CLIC2: variants seen among roughly 807,000 people sequenced by gnomAD.
The protein encoded by CLIC2 is chloride intracellular channel protein 2.
In CLIC2, 9 loss-of-function variants were observed where a neutral mutation model predicts 14.8. The observed-to-expected ratio is 0.61, with a 90% CI of 0.37 to 1.06. The LOEUF is 1.06. CLIC2 is among the 50% of genes least tolerant of loss of function. CLIC2 has a pLI of 0.01. For missense variants in CLIC2, 148 were observed against 181.4 expected, an observed-to-expected ratio of 0.82 and a Z score of 1.06; for synonymous variants, 61 against 66.3, an observed-to-expected ratio of 0.92 and a Z score of 0.39.
At chrX:155,330,350 G>A (rs2075152737) in intron 1 of CLIC2, among the ~76,000 whole-genome samples, 1 of 110,645 alleles carries the variant, frequency 9.0e-6, no homozygotes, top group South Asian at 3.8e-4. Flanking sequence ...AAAAATTAAA[G>A]TTAAAGAACA....
At chrX:155,287,193 A>G (rs1190039172) in intron 3 of CLIC2, among the ~76,000 whole-genome samples, 1 of 112,036 alleles carries the variant, frequency 8.9e-6, no homozygotes, top group Admixed American at 9.5e-5. Context: ...TAGCCAGCCC[A>G]GCACCATTTA....
chrX:155,280,777 G>T (rs1557316352), intron 3 of CLIC2, among the ~76,000 whole-genome samples: 1 of 110,132 alleles, frequency 9.1e-6, no homozygotes, highest in East Asian at 2.8e-4. Context: ...TGGAGAAAAT[G>T]GGAAAAAAGT....
intron 1 of CLIC2, among the ~76,000 whole-genome samples, chrX:155,329,705 GA>G (rs1281009492): frequency 9.1e-6 from 1 of 109,587 alleles, no homozygotes; most frequent in Non-Finnish European, 1.9e-5. Flanking sequence ...CCAAAGAAAG[GA>G]AATCAGCATA....
At chrX:155,279,403 CCA>C (rs1386478548) in intron 4 of CLIC2, 73 bp from the exon 5 acceptor site, 1 of 819,055 alleles carries the variant, frequency 1.2e-6, no homozygotes, top group African/African-American at 2.0e-5. Flanking sequence ...AATATGCTTT[CCA>C]CACATTTAGA....
chrX:155,321,927 C>G (rs1267830953), intron 1 of CLIC2, among the ~76,000 whole-genome samples: 1 of 110,667 alleles, frequency 9.0e-6, no homozygotes, highest in Non-Finnish European at 1.9e-5. Context: ...CCTGATAAAG[C>G]AAAATTTAAA....
intron 3 of CLIC2, among the ~76,000 whole-genome samples, chrX:155,296,176 C>A (rs782389637): frequency 8.9e-6 from 1 of 111,787 alleles, no homozygotes; most frequent in Non-Finnish European, 1.9e-5. Context: ...ACACACAGAG[C>A]AATGGTCAGA....
intron 3 of CLIC2, chrX:155,293,287 G>A: frequency 9.8e-7 from 1 of 1,021,455 alleles, no homozygotes; most frequent in Non-Finnish European, 1.4e-6. Context: ...GTCCAACTCA[G>A]TTCCTGGGTA....
chrX:155,316,389 A>C (rs1231847951), intron 1 of CLIC2, among the ~76,000 whole-genome samples: 3 of 112,017 alleles, frequency 2.7e-5, no homozygotes, highest in Admixed American at 9.5e-5. Flanking sequence ...CAGTAAATTT[A>C]AGAAAATCAA....
intron 3 of CLIC2, among the ~76,000 whole-genome samples, chrX:155,289,290 G>T (rs1557317374): frequency 8.9e-6 from 1 of 111,836 alleles, no homozygotes; most frequent in Non-Finnish European, 1.9e-5. Flanking sequence ...GGTTTTTGTA[G>T]CAGGTTTAAC....
intron 1 of CLIC2, among the ~76,000 whole-genome samples, chrX:155,300,434 C>A (rs1557318912): frequency 2.7e-5 from 3 of 111,133 alleles, no homozygotes; most frequent in Non-Finnish European, 5.7e-5. Flanking sequence ...GTTTGTTTTC[C>A]TCTTGTAAAT....
chrX:155,310,395 A>G (rs2075069789), intron 1 of CLIC2: 8 of 249,664 alleles, frequency 3.2e-5, no homozygotes, highest in Non-Finnish European at 7.8e-6. Flanking sequence ...TCTGAAGCCA[A>G]TTTCCCCAGT....
chrX:155,296,863 T>C (rs1264266432), intron 3 of CLIC2, among the ~76,000 whole-genome samples: 4 of 111,706 alleles, frequency 3.6e-5, no homozygotes, highest in Non-Finnish European at 7.5e-5. Context: ...ACACTGTTTT[T>C]GGGAGTATAA....
intron 3 of CLIC2, among the ~76,000 whole-genome samples, chrX:155,297,455 G>A (rs926017844): frequency 9.1e-6 from 1 of 110,088 alleles, no homozygotes. Flanking sequence ...TATGGACACC[G>A]TAGATACCTT....
intron 3 of CLIC2, 101 bp from the exon 4 acceptor site, chrX:155,280,169 T>A: frequency 1.8e-6 from 1 of 557,792 alleles, no homozygotes; most frequent in Non-Finnish European, 3.2e-6. Context: ...TGGAACATTG[T>A]GCTGGAAACT....
At chrX:155,308,152 A>C (rs1397924262) in intron 1 of CLIC2, among the ~76,000 whole-genome samples, 2 of 110,257 alleles carry the variant, frequency 1.8e-5, no homozygotes, top group Non-Finnish European at 3.8e-5. Flanking sequence ...TTTTGAGGAA[A>C]CTAAAAAAAA....
intron 1 of CLIC2, among the ~76,000 whole-genome samples, chrX:155,326,968 G>T: frequency 9.0e-6 from 1 of 111,688 alleles, no homozygotes; most frequent in African/African-American, 3.2e-5. Flanking sequence ...GGGCAACACG[G>T]ATCTGTGTAG....
chrX:155,281,701 GCCT>G (rs1247776383), intron 3 of CLIC2, among the ~76,000 whole-genome samples: 1 of 111,029 alleles, frequency 9.0e-6, no homozygotes, highest in Admixed American at 9.6e-5. Context: ...TACTGTAACA[GCCT>G]CCTGACTATT....
intron 1 of CLIC2, among the ~76,000 whole-genome samples, chrX:155,315,663 G>C (rs1440023235): frequency 9.1e-6 from 1 of 110,461 alleles, no homozygotes; most frequent in Admixed American, 9.6e-5. Context: ...CCTACTTAAA[G>C]CACAAATCTC....
intron 5 of CLIC2, 144 bp from the exon 6 acceptor site, chrX:155,278,208 T>A: frequency 2.0e-6 from 1 of 498,804 alleles, no homozygotes; most frequent in South Asian, 3.1e-5. Context: ...TAGACACGAA[T>A]CTTGGACTAT....
Sources: allele counts gnomAD v4.1 joint callset (sites outside exome capture counted in the v4.1 genomes callset), GRCh38; gene constraint gnomAD v4.1.1; transcripts MANE v1.5; gene names NCBI Gene and HGNC (gene_info 2026-07-23, HGNC 2026-07-21).